The following PI4KA variants were observed in gnomAD, a reference collection of about 807,000 sequenced individuals.
The protein encoded by PI4KA is PI4-kinase alpha.
Under a neutral mutation model 271.4 loss-of-function variants are expected in PI4KA, and 122 were observed. The observed-to-expected ratio is 0.45, with a 90% CI of 0.39 to 0.52. The LOEUF is 0.52. PI4KA is among the 20% of genes least tolerant of loss of function. PI4KA has a pLI of 0.00. For synonymous variants in PI4KA, 1,041 were observed against 1,078.8 expected, an observed-to-expected ratio of 0.96 and a Z score of 0.69; for missense variants, 1,969 against 2,769.1, an observed-to-expected ratio of 0.71 and a Z score of 6.48.
At chr22:20,751,457 C>T (rs779129176) in intron 26 of PI4KA, 81 bp from the exon 27 acceptor site, 7 of 1,238,086 alleles carry the variant, frequency 5.7e-6, no homozygotes, top group African/African-American at 1.5e-5. Flanking sequence ...CCCCTACCCA[C>T]CACCTGTCTG....
At chr22:20,769,483 CA>C (rs1932779364) in intron 19 of PI4KA, among the ~76,000 whole-genome samples, 1 of 152,040 alleles carries the variant, frequency 6.6e-6, no homozygotes, top group African/African-American at 2.4e-5. Flanking sequence ...GCCTGGCTAA[CA>C]CGGTAAAACC....
At position 20,749,998 on chromosome 22, in the gene PI4KA, G is replaced by A. The variant is rs781691432; in HGVS notation, c.3154-4C>T. The A allele has an allele frequency of 1.9e-6, 3 of 1,603,738 alleles. No homozygotes were observed. The Admixed American group carries it at 5.0e-5, about 27-fold the overall frequency. On this transcript the variant is annotated splice_region_variant and splice_polypyrimidine_tract_variant and intron_variant, in intron 27 of 54. Coordinates refer to ENST00000255882, the MANE Select transcript of PI4KA (RefSeq NM_058004.4). ...CAGCGAAGTCCTTCACAATGCTCTG[G>A]AAGAGGGTGAAGCTGCTTCTCAACA...
At chr22:20,750,286 G>A (rs1220194220) in intron 27 of PI4KA, among the ~76,000 whole-genome samples, 1 of 152,200 alleles carries the variant, frequency 6.6e-6, no homozygotes, top group Non-Finnish European at 1.5e-5. Flanking sequence ...TGCACAGAGG[G>A]AAGAACACGT....
intron 45 of PI4KA, among the ~76,000 whole-genome samples, chr22:20,715,499 G>A (rs1001782567): frequency 2.0e-5 from 3 of 151,884 alleles, no homozygotes; most frequent in Non-Finnish European, 4.4e-5. Flanking sequence ...TTTTGAGACG[G>A]AGTCCTACTC....
chr22:20,848,527 C>A (rs1160613654), intron 1 of PI4KA, among the ~76,000 whole-genome samples: 2 of 152,110 alleles, frequency 1.3e-5, no homozygotes, highest in Non-Finnish European at 2.9e-5. Flanking sequence ...ACCAAATAAA[C>A]CCTCACACTT....
intron 19 of PI4KA, among the ~76,000 whole-genome samples, chr22:20,790,307 T>C (rs1601505754): frequency 1.3e-5 from 2 of 152,128 alleles, no homozygotes; most frequent in South Asian, 4.1e-4. Context: ...AGACACTGTG[T>C]CATCAAAGGT....
chr22:20,737,714 C>T (rs1031505419), intron 32 of PI4KA, among the ~76,000 whole-genome samples: 1 of 151,600 alleles, frequency 6.6e-6, no homozygotes, highest in Non-Finnish European at 1.5e-5. Context: ...TCACCGCAAC[C>T]TCCGCCTCCT....
intron 10 of PI4KA, 54 bp downstream of exon 10, chr22:20,807,308 G>C: frequency 1.8e-6 from 2 of 1,115,438 alleles, no homozygotes; most frequent in Non-Finnish European, 2.7e-6. Context: ...ATGCGACAGT[G>C]GCCTGGGAGC....
chr22:20,849,182 AAGAC>A (rs1221281212), intron 1 of PI4KA, among the ~76,000 whole-genome samples: 37 of 152,220 alleles, frequency 2.4e-4, no homozygotes, highest in African/African-American at 8.4e-4. Context: ...TATAACTGGA[AAGAC>A]AGACAATACA....
intron 19 of PI4KA, among the ~76,000 whole-genome samples, chr22:20,777,632 G>A (rs995895878): frequency 3.3e-5 from 5 of 152,216 alleles, no homozygotes; most frequent in Admixed American, 1.3e-4. Flanking sequence ...GATTATAGGC[G>A]TAAGCCACAG....
chr22:20,839,908 T>C (rs1045562803), intron 1 of PI4KA, among the ~76,000 whole-genome samples: 4 of 152,180 alleles, frequency 2.6e-5, no homozygotes, highest in African/African-American at 9.7e-5. Context: ...CATTATCTAT[T>C]GTTATTGGAT....
intron 17 of PI4KA, 135 bp downstream of exon 17, chr22:20,798,449 T>C (rs894872087): frequency 4.4e-6 from 3 of 685,300 alleles, no homozygotes; most frequent in African/African-American, 3.5e-5. Context: ...ACTTCCCCCC[T>C]TATGTGTGCA....
rs1568976990 is a variant in PI4KA, at chr22:20,742,078, A to G, written c.3741+150T>C. The G allele has an allele frequency of 6.6e-6, 5 of 754,262 alleles. No homozygotes were observed. The South Asian group carries it at 7.9e-5, about 12-fold the overall frequency. The allele number at this position is 754,262 out of a possible 1,614,324, so 46.7% of individuals were successfully genotyped here. A position where few individuals can be genotyped will look rare whatever the true frequency, so the allele number is the denominator to read the frequency against. ...ATTCTATTTTCTGTGACTGTCAGGT[A>G]TAATAATAGAATCTGTAAGGAGACT... is the stretch of plus-strand genomic sequence containing the variant. On this transcript the variant is annotated intron_variant, in intron 32 of 54. Coordinates refer to ENST00000255882, the MANE Select transcript of PI4KA (RefSeq NM_058004.4).
intron 25 of PI4KA, among the ~76,000 whole-genome samples, chr22:20,752,166 G>A (rs930376788): frequency 6.6e-6 from 1 of 152,196 alleles, no homozygotes; most frequent in Non-Finnish European, 1.5e-5. Context: ...ATGGCCCCAG[G>A]GCTGAAGGAG....
intron 23 of PI4KA, among the ~76,000 whole-genome samples, chr22:20,757,775 A>G (rs971139146): frequency 1.3e-5 from 2 of 152,040 alleles, no homozygotes; most frequent in Admixed American, 6.6e-5. Flanking sequence ...AACTCCTGAC[A>G]TCAAGTGATC....
At chr22:20,854,147 G>C (rs1225644450) in intron 1 of PI4KA, among the ~76,000 whole-genome samples, 1 of 152,078 alleles carries the variant, frequency 6.6e-6, no homozygotes, top group African/African-American at 2.4e-5. Context: ...TTGAGACAGA[G>C]TCTCCGTTTG....
In PI4KA at chr22:20,848,952, T is replaced by C. The variant is rs374712256; in HGVS notation, c.156+9618A>G. On this transcript the variant is annotated intron_variant, in intron 1 of 54. Transcript: ENST00000255882. ...AATCATATATCTTATTAAGAAACTTTTATCTAAAATAAAGAACTATTACAA... is the reference window on the plus strand; with the variant it reads ...AATCATATATCTTATTAAGAAACTTCTATCTAAAATAAAGAACTATTACAA... Among the ~76,000 whole-genome samples, 6 of 152,168 alleles carry C rather than the reference T, an allele frequency of 3.9e-5. No individual in the cohort carries two copies. In the South Asian group the frequency reaches 1.2e-3, roughly 32 times the overall value.
At position 20,799,706 on chromosome 22, in the gene PI4KA, C is replaced by G; in HGVS notation, c.1785G>C (p.Leu595=). 4.5e-6 allele frequency: 7 copies of G among 1,553,048 alleles called. No individual in the cohort carries two copies. The highest frequency in any genetic ancestry group is 6.1e-6 in the Non-Finnish European group (7 of 1,147,692). ...PVIVEAFLAS[L]SNRLYISQES... is the part of the protein sequence containing the mutation. ...CCTGAGAGATGTAGAGCCGGTTGGA[C>G]AGGCTGGCCAAGAACGCCTCCACAA... Residue 595 remains leucine, a synonymous_variant, in exon 15 of 55, where the codon CTG becomes CTC. Transcript: ENST00000255882.
rs1262563080 is a variant in PI4KA, at chr22:20,799,743, A to G, written c.1748T>C (p.Val583Ala). 3 of 1,552,740 alleles carry G rather than the reference A, an allele frequency of 1.9e-6. No homozygotes were observed. Among genetic ancestry groups the G allele is most frequent in the South Asian group, 1.2e-5 (1 of 84,080 alleles). The stretch of plus-strand genomic sequence containing the variant: ...GAACGCCTCCACAATCACTGGGTCC[A>G]CCGTCAATCCAGCCTTCAGGCACCT... ...ICRCLKAGLT[V>A]DPVIVEAFLA... The change falls in exon 15 of 55, where the codon GTG becomes GCG. Residue 583 changes from valine (V) to alanine (A), a missense_variant. Val to Ala is a moderately conservative substitution (Grantham distance 64). Around this residue, in one of 13 missense-constraint regions of PI4KA, gnomAD observed 228 missense variants for 261.6 expected, o/e 0.87. Transcript: ENST00000255882.
Sources: gnomAD v4.1 joint callset for allele counts (sites outside exome capture counted in the v4.1 genomes callset) on GRCh38, gnomAD v4.1.1 for gene constraint, gnomAD v4.1.1 regional missense constraint, MANE v1.5 for transcripts, NCBI Gene and HGNC (gene_info 2026-07-23, HGNC 2026-07-21) for gene names.